Variants in BAIAP2L1 observed in about 807,000 individuals in gnomAD.
BAIAP2L1 encodes BAR/IMD domain-containing adapter protein 2-like 1.
Under a neutral mutation model 66.3 loss-of-function variants are expected in BAIAP2L1, and 35 were observed. The ratio of observed to expected loss-of-function variants is 0.53; its 90% confidence interval spans 0.40 to 0.70. The LOEUF (loss-of-function observed/expected upper bound fraction) is 0.70. Among genes scored for constraint, BAIAP2L1 ranks in the 30% least tolerant of loss-of-function variants. The pLI, the probability that BAIAP2L1 is intolerant of heterozygous loss-of-function variation, is 0.00. For synonymous variants in BAIAP2L1, 269 were observed against 248.7 expected, an observed-to-expected ratio of 1.08 and a Z score of -0.77; for missense variants, 622 against 656.9, an observed-to-expected ratio of 0.95 and a Z score of 0.58.
At chr7:98,380,787 T>TACC (rs1425805484) in intron 1 of BAIAP2L1, among the ~76,000 whole-genome samples, 1 of 138,868 alleles carries the variant, frequency 7.2e-6, no homozygotes, top group Non-Finnish European at 1.5e-5. Context: ...CCACCGCCAC[T>TACC]ACCACCACCA....
chr7:98,331,860 C>G (rs1174504139), intron 3 of BAIAP2L1, among the ~76,000 whole-genome samples: 2 of 152,062 alleles, frequency 1.3e-5, no homozygotes, highest in African/African-American at 4.8e-5. Context: ...ACAAACCATG[C>G]AAGCAAGAAG....
intron 1 of BAIAP2L1, among the ~76,000 whole-genome samples, chr7:98,369,588 C>T (rs1802462707): frequency 6.6e-6 from 1 of 151,880 alleles, no homozygotes; most frequent in South Asian, 2.1e-4. Context: ...CCACAGAAAG[C>T]AGCCCAGATC....
chr7:98,292,650 C>T lies in BAIAP2L1; in HGVS notation c.*871G>A, dbSNP rs1489217822. 16 of 1,551,578 alleles carry T rather than the reference C, an allele frequency of 1.0e-5. No individual in the cohort carries two copies. The Admixed American group carries it at 2.9e-4, about 29-fold the overall frequency. On this transcript the variant is annotated 3_prime_UTR_variant, in exon 14 of 14. Coordinates refer to ENST00000005260, the MANE Select transcript of BAIAP2L1 (RefSeq NM_018842.5). Reference sequence around the variant, plus strand: ...CCGCCCTTCTCCAGGCACCAGAGGTCATCCTGGCTTTACACGTATCCTTTG... The same window carrying T: ...CCGCCCTTCTCCAGGCACCAGAGGTTATCCTGGCTTTACACGTATCCTTTG...
At chr7:98,293,950 G>T in intron 13 of BAIAP2L1, 124 bp downstream of exon 13, 1 of 1,140,642 alleles carries the variant, frequency 8.8e-7, no homozygotes, top group Non-Finnish European at 1.3e-6. Flanking sequence ...CTCCCCCATG[G>T]CTCCACAGGC....
At chr7:98,373,904 C>A (rs373140118) in intron 1 of BAIAP2L1, among the ~76,000 whole-genome samples, 2 of 152,078 alleles carry the variant, frequency 1.3e-5, no homozygotes, top group East Asian at 3.8e-4. Flanking sequence ...GAGAAGGGTA[C>A]GGGACAAAGG....
intron 1 of BAIAP2L1, among the ~76,000 whole-genome samples, chr7:98,393,684 A>T (rs890217912): frequency 1.3e-5 from 2 of 149,954 alleles, no homozygotes; most frequent in Non-Finnish European, 3.0e-5. Flanking sequence ...TTTTTAGTAG[A>T]GACGGGGTTT....
chr7:98,307,484 G>A lies in BAIAP2L1; in HGVS notation c.1163+205C>T. ...TGACTTCATACGCTCTAATAACTAT[G>A]CATGCACCAAATGTATCTCTACATG... On this transcript the variant is annotated intron_variant, in intron 10 of 13. Coordinates refer to ENST00000005260, the MANE Select transcript of BAIAP2L1 (RefSeq NM_018842.5). 2.1e-6 allele frequency: 3 copies of A among 1,425,834 alleles called. No homozygotes were observed. In the South Asian group the frequency reaches 4.5e-5, roughly 21 times the overall value. The allele number at this position is 1,425,834 out of a possible 1,614,324, so 88.3% of individuals were successfully genotyped here. A position where few individuals can be genotyped will look rare whatever the true frequency, so the allele number is the denominator to read the frequency against.
At chr7:98,321,195 C>T (rs2116906460) in intron 3 of BAIAP2L1, among the ~76,000 whole-genome samples, 1 of 152,228 alleles carries the variant, frequency 6.6e-6, no homozygotes, top group South Asian at 2.1e-4. Flanking sequence ...TTCCCTAAGC[C>T]AAGTTCTATA....
intron 7 of BAIAP2L1, 145 bp from the exon 8 acceptor site, chr7:98,312,409 T>C (rs906729410): frequency 1.9e-5 from 16 of 840,340 alleles, no homozygotes; most frequent in Non-Finnish European, 2.7e-5. Context: ...GTGAGCACTT[T>C]AAGCACCTAG....
chr7:98,393,171 A>C (rs1322706336), intron 1 of BAIAP2L1, among the ~76,000 whole-genome samples: 1 of 82,456 alleles, frequency 1.2e-5, no homozygotes, highest in African/African-American at 4.7e-5. Context: ...ATATATGTAT[A>C]TATATACATA....
chr7:98,358,535 T>C (rs913612246), intron 2 of BAIAP2L1, among the ~76,000 whole-genome samples: 2 of 151,708 alleles, frequency 1.3e-5, no homozygotes, highest in Non-Finnish European at 2.9e-5. Flanking sequence ...TTTTTTATTT[T>C]TTCTAGAAAT....
intron 2 of BAIAP2L1, among the ~76,000 whole-genome samples, chr7:98,357,059 T>A (rs1324325899): frequency 1.3e-4 from 13 of 97,758 alleles, no homozygotes; most frequent in African/African-American, 4.8e-4. Flanking sequence ...ATTTTTTTTT[T>A]TTTTTTTTTA....
intron 1 of BAIAP2L1, among the ~76,000 whole-genome samples, chr7:98,380,529 C>A (rs2115800086): frequency 6.6e-6 from 1 of 152,030 alleles, no homozygotes; most frequent in African/African-American, 2.4e-5. Context: ...GTGGAAACCG[C>A]CCCCATGACT....
intron 2 of BAIAP2L1, among the ~76,000 whole-genome samples, chr7:98,361,847 C>T (rs560010475): frequency 9.9e-5 from 15 of 152,180 alleles, no homozygotes; most frequent in African/African-American, 2.9e-4. Context: ...GCGATCATCC[C>T]GCCACACACT....
chr7:98,333,136 C>A (rs1404989239), intron 3 of BAIAP2L1, among the ~76,000 whole-genome samples: 1 of 152,168 alleles, frequency 6.6e-6, no homozygotes, highest in Admixed American at 6.5e-5. Context: ...CTGCATCCCA[C>A]CCCTTCTATC....
intron 3 of BAIAP2L1, among the ~76,000 whole-genome samples, chr7:98,332,681 C>T (rs1426800880): frequency 1.3e-5 from 2 of 151,198 alleles, no homozygotes; most frequent in African/African-American, 4.9e-5. Context: ...TAGTGGTGGG[C>T]ACCTGTAATC....
At chr7:98,326,627 A>C (rs1801386462) in intron 3 of BAIAP2L1, among the ~76,000 whole-genome samples, 1 of 152,228 alleles carries the variant, frequency 6.6e-6, no homozygotes, top group Admixed American at 6.5e-5. Flanking sequence ...GCGAGTCCAC[A>C]GTAAACAGAT....
Position 98,362,413 on chromosome 7 carries a change from T to A in BAIAP2L1, c.71A>T (p.Asn24Ile). 6.2e-7 allele frequency: 1 copy of A among 1,612,248 alleles called. No individual in the cohort carries two copies. Among genetic ancestry groups the A allele is most frequent in the Non-Finnish European group, 8.5e-7 (1 of 1,179,358 alleles). Residue 24 changes from asparagine (N) to isoleucine (I), a missense_variant, in exon 2 of 14, where the codon AAT becomes ATT. Asn to Ile is a moderately radical substitution (Grantham distance 149, BLOSUM62 -3). Coordinates refer to ENST00000005260, the MANE Select transcript of BAIAP2L1 (RefSeq NM_018842.5). ...STYRNVMEQF[N>I]PGLRNLINLG... ...GTTTATTAAATTTCGCAGCCCAGGA[T>A]TGAACTGTTCCATAACATTCTGCCA... is the stretch of plus-strand genomic sequence containing the variant.
intron 3 of BAIAP2L1, among the ~76,000 whole-genome samples, chr7:98,339,124 T>C (rs1041226226): frequency 6.6e-5 from 10 of 151,896 alleles, no homozygotes; most frequent in African/African-American, 2.4e-4. Flanking sequence ...TCATTTCCCT[T>C]GGGTTGGTGT....
Sources: allele counts gnomAD v4.1 joint callset (sites outside exome capture counted in the v4.1 genomes callset), GRCh38; gene constraint gnomAD v4.1.1; transcripts MANE v1.5; gene names NCBI Gene and HGNC (gene_info 2026-07-23, HGNC 2026-07-21).